STT3B: variants seen among roughly 807,000 people sequenced by gnomAD.
The protein encoded by STT3B is dolichyl-diphosphooligosaccharide--protein glycosyltransferase subunit STT3B.
A neutral mutation model predicts 96.8 loss-of-function variants in STT3B; 29 were observed. The observed-to-expected ratio is 0.30, with a 90% CI of 0.22 to 0.41. The LOEUF (loss-of-function observed/expected upper bound fraction) is 0.41, where lower values mean the gene tolerates loss of function less well. Ranked by LOEUF, STT3B falls within the 10% of genes least tolerant of loss-of-function variation. The pLI is 1.00. For missense variants in STT3B, 640 were observed against 1,022.3 expected (o/e 0.63, Z 5.10); for synonymous variants, 367 against 360.0 (o/e 1.02, Z -0.22).
intron 5 of STT3B, 42 bp from the exon 6 acceptor site, chr3:31,615,063 G>A (rs775878741): frequency 4.1e-6 from 5 of 1,216,208 alleles, no homozygotes; most frequent in Non-Finnish European, 6.0e-6. Context: ...GGTACTTAAT[G>A]GTAGTAGTAA....
chr3:31,633,114 C>T lies in STT3B; in HGVS notation c.2367C>T (p.Asn789=), dbSNP rs770328805. The T allele has an allele frequency of 1.2e-6, 2 of 1,613,952 alleles. No homozygotes were observed. Among genetic ancestry groups the T allele is most frequent in the East Asian group, 2.2e-5 (1 of 44,844 alleles). The stretch of plus-strand genomic sequence containing the variant: ...TAGATCACAAACCTCGAGTCACCAA[C>T]ATTTTCCCAAAACAGAAGTATTTGT... ...ETLDHKPRVT[N]IFPKQKYLSK... The change falls in exon 15 of 16, where the codon AAC becomes AAT. Residue 789 remains asparagine (N), a synonymous_variant. Transcript: ENST00000295770.
chr3:31,534,355 T>G (rs879413867), intron 1 of STT3B, among the ~76,000 whole-genome samples: 15 of 152,202 alleles, frequency 9.9e-5, no homozygotes, highest in Admixed American at 6.5e-4. Flanking sequence ...ATGGAAAGAT[T>G]GCTTTAACTT....
rs540204986 is a variant in STT3B, at chr3:31,552,309, A to C, written c.314+18997A>C. Among the ~76,000 whole-genome samples the C allele has an allele frequency of 3.9e-5, 6 of 152,344 alleles. No homozygotes were observed. In the South Asian group the frequency reaches 8.3e-4, roughly 21 times the overall value. ...ATTGATTGAATACCTCTTACTTGCCAGGGACTATGGCTACAGTAGTGTGAA... is the reference window on the plus strand; with the variant it reads ...ATTGATTGAATACCTCTTACTTGCCCGGGACTATGGCTACAGTAGTGTGAA... On this transcript the variant is annotated intron_variant, in intron 1 of 15. Coordinates refer to ENST00000295770, the MANE Select transcript of STT3B (RefSeq NM_178862.3).
chr3:31,622,021 A>ACAGTG, intron 9 of STT3B, 76 bp from the exon 10 acceptor site: 1 of 361,490 alleles, frequency 2.8e-6, no homozygotes, highest in Non-Finnish European at 4.2e-6. Flanking sequence ...GGTTGGTTTT[A>ACAGTG]TAGTTTTAAG....
intron 1 of STT3B, among the ~76,000 whole-genome samples, chr3:31,572,032 ATATATG>A (rs1698160779): frequency 1.1e-4 from 5 of 46,150 alleles, no homozygotes; most frequent in African/African-American, 1.9e-4. Context: ...ATATATATTA[ATATATG>A]ATATATTAAT....
At chr3:31,611,644 G>A (rs959627934) in intron 5 of STT3B, among the ~76,000 whole-genome samples, 24 of 151,962 alleles carry the variant, frequency 1.6e-4, no homozygotes, top group Non-Finnish European at 2.8e-4. Context: ...TTACAGGCAC[G>A]CGCCACCACA....
intron 3 of STT3B, among the ~76,000 whole-genome samples, chr3:31,592,551 G>A (rs187655311): frequency 2.6e-5 from 4 of 152,022 alleles, no homozygotes; most frequent in South Asian, 2.1e-4. Context: ...CATTCCCACC[G>A]ACACTGCACA....
rs567697562 is a variant in STT3B, at chr3:31,617,688, A to G, written c.1124-252A>G. Among the ~76,000 whole-genome samples the G allele has an allele frequency of 9.9e-5, 15 of 152,096 alleles. No homozygotes were observed. The South Asian group carries it at 3.1e-3, about 32-fold the overall frequency. ...CAACTAAAAGCTTAAGAGAATTGGA[A>G]AACTTTCTACAACTTTATCTCAAAT... On this transcript the variant is annotated intron_variant, in intron 7 of 15. Coordinates refer to ENST00000295770, the MANE Select transcript of STT3B (RefSeq NM_178862.3).
intron 1 of STT3B, among the ~76,000 whole-genome samples, chr3:31,536,971 A>G (rs1010455272): frequency 6.6e-6 from 1 of 152,220 alleles, no homozygotes; most frequent in East Asian, 1.9e-4. Context: ...AGCCTTTCCC[A>G]TAGAAGCAAT....
At chr3:31,629,454 G>A (rs376417116) in intron 14 of STT3B, 43 bp downstream of exon 14, 5 of 1,115,178 alleles carry the variant, frequency 4.5e-6, no homozygotes, top group Non-Finnish European at 6.7e-6. Flanking sequence ...TCAAAATAAT[G>A]TTTAAAACAA....
chr3:31,573,349 T>C (rs1340482671), intron 1 of STT3B, among the ~76,000 whole-genome samples: 1 of 152,126 alleles, frequency 6.6e-6, no homozygotes. Flanking sequence ...AGTGCACAGA[T>C]TGGGGAACTA....
At chr3:31,557,631 A>G (rs978570209) in intron 1 of STT3B, among the ~76,000 whole-genome samples, 1 of 151,092 alleles carries the variant, frequency 6.6e-6, no homozygotes. Flanking sequence ...TTTTATTTTT[A>G]TTTGTTTATT....
chr3:31,579,983 T>G lies in STT3B; in HGVS notation c.598T>G (p.Leu200Val). ...ACTTTGGAACCAAGGAGCAGGACTT[T>G]TAGCTGCTTGTTTTATTGCTATTGT... is the stretch of plus-strand genomic sequence containing the variant. ...RELWNQGAGL[L>V]AACFIAIVPG... Residue 200 changes from leucine to valine, a missense_variant, in exon 3 of 16, where the codon TTA becomes GTA. Physicochemically the swap from Leu to Val is conservative, Grantham distance 32. Transcript: ENST00000295770. The G allele has an allele frequency of 6.2e-7, 1 of 1,613,930 alleles. No individual in the cohort carries two copies. Among genetic ancestry groups the G allele is most frequent in the Non-Finnish European group, 8.5e-7 (1 of 1,179,824 alleles).
intron 1 of STT3B, among the ~76,000 whole-genome samples, chr3:31,569,796 A>G (rs1698096112): frequency 6.6e-6 from 1 of 152,106 alleles, no homozygotes. Context: ...GGGGAAAACT[A>G]TAATTGTGTG....
At chr3:31,591,544 C>T (rs939617906) in intron 3 of STT3B, among the ~76,000 whole-genome samples, 10 of 152,146 alleles carry the variant, frequency 6.6e-5, no homozygotes, top group Non-Finnish European at 1.5e-4. Context: ...TTATTTATAG[C>T]GCTTGATGCA....
chr3:31,629,481 G>A, intron 14 of STT3B, 70 bp downstream of exon 14: 1 of 767,310 alleles, frequency 1.3e-6, no homozygotes, highest in South Asian at 1.8e-5. Context: ...TTTGCCTCTA[G>A]AAAACAGGAT....
intron 1 of STT3B, among the ~76,000 whole-genome samples, chr3:31,574,931 T>C (rs2125451282): frequency 6.6e-6 from 1 of 152,308 alleles, no homozygotes; most frequent in East Asian, 1.9e-4. Context: ...TTTTATACTT[T>C]TTATCTTGTT....
chr3:31,551,419 G>T (rs538427617), intron 1 of STT3B, among the ~76,000 whole-genome samples: 33 of 152,156 alleles, frequency 2.2e-4, no homozygotes, highest in Middle Eastern at 3.4e-3. Context: ...GTTTTGCCAT[G>T]TTGCCCAGGC....
intron 1 of STT3B, among the ~76,000 whole-genome samples, chr3:31,557,186 G>C (rs1697740250): frequency 6.6e-6 from 1 of 152,152 alleles, no homozygotes; most frequent in South Asian, 2.1e-4. Context: ...TTGAAAATCA[G>C]TTGGCTGTAA....
Sources: gnomAD v4.1 joint callset for allele counts (sites outside exome capture counted in the v4.1 genomes callset) on GRCh38, gnomAD v4.1.1 for gene constraint, MANE v1.5 for transcripts, NCBI Gene and HGNC (gene_info 2026-07-23, HGNC 2026-07-21) for gene names.